The following ASTN2 variants were observed in gnomAD, a reference collection of about 807,000 sequenced individuals.
ASTN2 encodes the protein astrotactin-2.
In ASTN2, 54 loss-of-function variants were observed where a neutral mutation model predicts 139.8. The observed-to-expected ratio is 0.39, with a 90% CI of 0.31 to 0.48. ASTN2 has a LOEUF of 0.48. ASTN2 is among the 20% of genes least tolerant of loss of function. The pLI is 0.95. For synonymous variants in ASTN2, 756 were observed against 719.5 expected, an observed-to-expected ratio of 1.05 and a Z score of -0.81; for missense variants, 1,565 against 1,725.1, an observed-to-expected ratio of 0.91 and a Z score of 1.64.
chr9:116,614,972 CAT>C (rs1409701663), intron 19 of ASTN2, among the ~76,000 whole-genome samples: 1 of 152,140 alleles, frequency 6.6e-6, no homozygotes, highest in Admixed American at 6.5e-5. Flanking sequence ...GCAATCTACT[CAT>C]GTGACAATAG....
chr9:116,615,967 G>A (rs1855831971), intron 19 of ASTN2, among the ~76,000 whole-genome samples: 1 of 152,100 alleles, frequency 6.6e-6, no homozygotes, highest in Admixed American at 6.6e-5. Context: ...ATACTTAATG[G>A]TGAAAGACTA....
chr9:117,382,700 C>T (rs925291732), intron 1 of ASTN2, among the ~76,000 whole-genome samples: 5 of 152,124 alleles, frequency 3.3e-5, no homozygotes, highest in African/African-American at 1.2e-4. Context: ...AGCTCAAGCC[C>T]AGGCCCAGCA....
At chr9:116,706,397 C>T (rs913553758) in intron 16 of ASTN2, among the ~76,000 whole-genome samples, 3 of 152,028 alleles carry the variant, frequency 2.0e-5, no homozygotes, top group Non-Finnish European at 4.4e-5. Flanking sequence ...AGCTCAAATG[C>T]TTCCACCTTT....
chr9:117,356,305 C>T (rs902145507), intron 1 of ASTN2, among the ~76,000 whole-genome samples: 5 of 152,150 alleles, frequency 3.3e-5, no homozygotes, highest in African/African-American at 9.7e-5. Flanking sequence ...ATATGCATCT[C>T]GATTCTTCTT....
At chr9:116,599,115 G>A (rs1465920349) in intron 19 of ASTN2, among the ~76,000 whole-genome samples, 1 of 152,140 alleles carries the variant, frequency 6.6e-6, no homozygotes, top group African/African-American at 2.4e-5. Flanking sequence ...CTAAAAGAGG[G>A]GATTAAGACG....
At chr9:117,026,560 CT>C (rs1159437867) in intron 6 of ASTN2, among the ~76,000 whole-genome samples, 5 of 152,074 alleles carry the variant, frequency 3.3e-5, no homozygotes, top group Admixed American at 3.3e-4. Context: ...GCTATATTTC[CT>C]TTTTCTAGCT....
chr9:117,051,383 A>C (rs1235034959), intron 5 of ASTN2, among the ~76,000 whole-genome samples: 1 of 152,306 alleles, frequency 6.6e-6, no homozygotes, highest in East Asian at 1.9e-4. Flanking sequence ...ACTCTAACTC[A>C]GAGTTAGAAA....
At position 117,408,188 on chromosome 9, in the gene ASTN2, T is replaced by C. The variant is rs113158231; in HGVS notation, c.442+6309A>G. On this transcript the variant is annotated intron_variant, in intron 1 of 22. Coordinates refer to ENST00000313400, the MANE Select transcript of ASTN2 (RefSeq NM_001365068.1). ...AGGGGGAGAGGAAAGAGTGTCCCCC[T>C]TTATGATGCTGAACTAACTTGTAGA... Among the ~76,000 whole-genome samples, 834 of 151,730 alleles carry C rather than the reference T, an allele frequency of 5.5e-3. 7 individuals are homozygous for C. Among genetic ancestry groups the C allele is most frequent in the African/African-American group, 0.019 (787 of 41,334 alleles).
chr9:117,162,320 G>A lies in ASTN2; in HGVS notation c.1016-20842C>T, dbSNP rs561780384. ...GAAGGGTTCTCTCAGGACTACTCAT[G>A]GAGCTTCACTTGTGGTCCCTGGCCA... On this transcript the variant is annotated intron_variant, in intron 3 of 22. Coordinates refer to ENST00000313400, the MANE Select transcript of ASTN2 (RefSeq NM_001365068.1). 3.3e-5 allele frequency among the ~76,000 whole-genome samples: 5 copies of A among 152,056 alleles called. No homozygotes were observed. The East Asian group carries it at 5.9e-4, about 18-fold the overall frequency.
At chr9:117,019,229 T>C (rs905327357) in intron 6 of ASTN2, among the ~76,000 whole-genome samples, 1 of 152,116 alleles carries the variant, frequency 6.6e-6, no homozygotes, top group Non-Finnish European at 1.5e-5. Flanking sequence ...ATATTGTAAT[T>C]CAATACTTAA....
intron 3 of ASTN2, among the ~76,000 whole-genome samples, chr9:117,145,695 A>T (rs542746596): frequency 6.6e-6 from 1 of 152,066 alleles, no homozygotes; most frequent in Admixed American, 6.5e-5. Flanking sequence ...TCCTATGTTG[A>T]TTCTTTTTAC....
At chr9:116,616,977 A>T (rs1006063641) in intron 19 of ASTN2, among the ~76,000 whole-genome samples, 87 of 152,204 alleles carry the variant, frequency 5.7e-4, no homozygotes, top group Non-Finnish European at 1.0e-3. Context: ...CAGAATTAAC[A>T]AAGTTTGAAA....
At chr9:116,867,572 A>AG in intron 10 of ASTN2, among the ~76,000 whole-genome samples, 2 of 148,994 alleles carry the variant, frequency 1.3e-5, no homozygotes, top group African/African-American at 2.5e-5. Flanking sequence ...AAAAAAAAAA[A>AG]GGAAAGAAAA....
At chr9:117,017,840 T>C (rs1837761413) in intron 6 of ASTN2, among the ~76,000 whole-genome samples, 1 of 152,124 alleles carries the variant, frequency 6.6e-6, no homozygotes, top group African/African-American at 2.4e-5. Context: ...GCATACACAC[T>C]TGTACATACA....
chr9:116,839,820 G>A (rs1221155687), intron 11 of ASTN2, among the ~76,000 whole-genome samples: 5 of 148,648 alleles, frequency 3.4e-5, no homozygotes, highest in East Asian at 3.9e-4. Context: ...ACAGGTGCCC[G>A]CCACCACACC....
intron 6 of ASTN2, among the ~76,000 whole-genome samples, chr9:117,015,029 T>A (rs1373358233): frequency 6.6e-6 from 1 of 152,166 alleles, no homozygotes; most frequent in Non-Finnish European, 1.5e-5. Context: ...GTTGTTGTTG[T>A]TGTTGTTGAA....
At chr9:117,095,096 C>T (rs1285578015) in intron 5 of ASTN2, among the ~76,000 whole-genome samples, 3 of 152,168 alleles carry the variant, frequency 2.0e-5, no homozygotes, top group Non-Finnish European at 4.4e-5. Flanking sequence ...GACCAGTTTC[C>T]CTGCCACATG....
intron 13 of ASTN2, among the ~76,000 whole-genome samples, chr9:116,736,511 T>C (rs1252782870): frequency 6.6e-6 from 1 of 152,134 alleles, no homozygotes; most frequent in Non-Finnish European, 1.5e-5. Context: ...CCATAGTGCC[T>C]GGGCGTGTGC....
chr9:116,484,943 G>T (rs1056079092), intron 20 of ASTN2, among the ~76,000 whole-genome samples: 2 of 152,174 alleles, frequency 1.3e-5, no homozygotes, highest in Non-Finnish European at 2.9e-5. Context: ...GGGGCTGCAG[G>T]ATTCCAGTCC....
Sources: gnomAD v4.1 joint callset for allele counts (sites outside exome capture counted in the v4.1 genomes callset) on GRCh38, gnomAD v4.1.1 for gene constraint, MANE v1.5 for transcripts, NCBI Gene and HGNC (gene_info 2026-07-23, HGNC 2026-07-21) for gene names.